The following SHANK2 variants were observed in gnomAD, a reference collection of about 807,000 sequenced individuals.
SHANK2 encodes SH3 and multiple ankyrin repeat domains protein 2.
Under a neutral mutation model 133.7 loss-of-function variants are expected in SHANK2, and 43 were observed. The observed-to-expected ratio is 0.32, with a 90% CI of 0.25 to 0.41. The LOEUF (loss-of-function observed/expected upper bound fraction) is 0.41, where lower values mean the gene tolerates loss of function less well. Among genes scored for constraint, SHANK2 ranks in the 10% least tolerant of loss-of-function variants. SHANK2 has a pLI of 1.00. For synonymous variants in SHANK2, 1,017 were observed against 952.8 expected (o/e 1.07, Z -1.24); for missense variants, 1,994 against 2,235.8 (o/e 0.89, Z 2.18).
In SHANK2 at chr11:70,500,776, C is replaced by G; in HGVS notation, c.2288-186G>C. 1.3e-6 allele frequency: 1 copy of G among 779,904 alleles called. No homozygotes were observed. The highest frequency in any genetic ancestry group is 2.3e-6 in the Non-Finnish European group (1 of 442,362). 48.3% of individuals were successfully genotyped at this position (779,904 alleles called of 1,614,324 possible). On this transcript the variant is annotated intron_variant, in intron 20 of 25. Coordinates refer to ENST00000601538, the MANE Select transcript of SHANK2 (RefSeq NM_012309.5). The surrounding 1 kb of genome is among the most constrained non-coding windows in gnomAD (Gnocchi z 4.5). ...TATCCATGGAGTGGCTTTCCCCAAA[C>G]CTTGGCTGCCCGCACAACTCTGTCC...
intron 10 of SHANK2, among the ~76,000 whole-genome samples, chr11:70,905,603 A>T (rs962281900): frequency 5.9e-5 from 9 of 152,024 alleles, no homozygotes; most frequent in East Asian, 5.8e-4. Flanking sequence ...AGCCCTCATA[A>T]ATGAGATTAG....
chr11:70,937,565 T>C (rs1950588824), intron 10 of SHANK2, among the ~76,000 whole-genome samples: 1 of 151,972 alleles, frequency 6.6e-6, no homozygotes, highest in African/African-American at 2.4e-5. Flanking sequence ...GGCCTGGCCT[T>C]GGCAAGTGTG....
chr11:70,828,094 C>T (rs998960087), intron 11 of SHANK2, among the ~76,000 whole-genome samples: 1 of 152,184 alleles, frequency 6.6e-6, no homozygotes, highest in Non-Finnish European at 1.5e-5. Flanking sequence ...GCCTGGGCAA[C>T]ACAGTGAGAC....
At chr11:70,641,098 TTTTC>T (rs1265651024) in intron 17 of SHANK2, among the ~76,000 whole-genome samples, 17 of 123,532 alleles carry the variant, frequency 1.4e-4, no homozygotes, top group East Asian at 1.1e-3. Flanking sequence ...TCTTTTTTTC[TTTTC>T]TTTTTTTTTT....
chr11:70,529,553 G>A (rs558472357), intron 17 of SHANK2, among the ~76,000 whole-genome samples: 4 of 152,184 alleles, frequency 2.6e-5, no homozygotes, highest in South Asian at 2.1e-4. Context: ...ATACACCTTC[G>A]CATTGTGGTA....
chr11:71,251,741 G>A (rs1330513311), intron 1 of SHANK2, among the ~76,000 whole-genome samples: 1 of 150,804 alleles, frequency 6.6e-6, no homozygotes, highest in Admixed American at 6.6e-5. Context: ...GGCTCAGCGC[G>A]ACCCCCGGGA....
At chr11:70,680,391 C>T (rs1033126385) in intron 15 of SHANK2, among the ~76,000 whole-genome samples, 14 of 152,108 alleles carry the variant, frequency 9.2e-5, no homozygotes, top group Admixed American at 9.2e-4. Flanking sequence ...CCCACCCAGG[C>T]TCCAGAGGAG....
At position 71,196,911 on chromosome 11, in the gene SHANK2, T is replaced by C. The variant is rs187952072; in HGVS notation, c.-13+27786A>G. On this transcript the variant is annotated intron_variant, in intron 2 of 25. Transcript: ENST00000601538. The stretch of plus-strand genomic sequence containing the variant: ...TACTCAGGAGGCTGAGGCATGAGAA[T>C]TGCTTGAACCTGGGAGGCAGAGGTT... 2.2e-3 allele frequency among the ~76,000 whole-genome samples: 328 copies of C among 149,936 alleles called. 1 individual carries two copies. Among genetic ancestry groups the C allele is most frequent in the African/African-American group, 7.6e-3 (311 of 40,682 alleles).
intron 2 of SHANK2, among the ~76,000 whole-genome samples, chr11:71,186,405 C>T (rs1272812726): frequency 6.6e-6 from 1 of 152,202 alleles, no homozygotes; most frequent in Non-Finnish European, 1.5e-5. Context: ...GCCTTAAGGT[C>T]TATCAGTCAT....
chr11:71,242,766 C>A (rs1322222709), intron 1 of SHANK2, among the ~76,000 whole-genome samples: 1 of 152,224 alleles, frequency 6.6e-6, no homozygotes, highest in East Asian at 1.9e-4. Context: ...CCACAAAAGA[C>A]GGCAGAATAC....
intron 14 of SHANK2, among the ~76,000 whole-genome samples, chr11:70,700,576 C>T (rs910185123): frequency 2.6e-5 from 4 of 152,238 alleles, no homozygotes; most frequent in African/African-American, 9.6e-5. Flanking sequence ...ACACACCTCC[C>T]CTTTGCTTGG....
At chr11:70,925,414 A>G (rs1378145300) in intron 10 of SHANK2, among the ~76,000 whole-genome samples, 2 of 152,182 alleles carry the variant, frequency 1.3e-5, no homozygotes, top group Admixed American at 6.5e-5. Flanking sequence ...TGTAATAAGG[A>G]AACAGCATGT....
In SHANK2 at chr11:70,536,915, A is replaced by G. The variant is rs1048205985; in HGVS notation, c.2062-33984T>C. Among the ~76,000 whole-genome samples, 32 of 152,270 alleles carry G rather than the reference A, an allele frequency of 2.1e-4. 1 individual carries two copies. Among genetic ancestry groups the G allele is most frequent in the Admixed American group, 1.7e-3 (26 of 15,296 alleles). ...AGCCCAGTGTCTCTTGGTGAAGGAG[A>G]GAACCATGGGGTGAGGACAGAGCAG... On this transcript the variant is annotated intron_variant, in intron 17 of 25. Transcript: ENST00000601538.
Position 70,790,496 on chromosome 11 carries a change from C to T in SHANK2, c.1777+7947G>A, listed in dbSNP as rs141399767. Among the ~76,000 whole-genome samples the T allele has an allele frequency of 2.8e-4, 43 of 152,268 alleles. No homozygotes were observed. In the East Asian group the frequency reaches 4.6e-3, roughly 16 times the overall value. On this transcript the variant is annotated intron_variant, in intron 14 of 25. Coordinates refer to ENST00000601538, the MANE Select transcript of SHANK2 (RefSeq NM_012309.5). ...ATTTTTCTCAGTAATGTGGGTGGGC[C>T]TCCTCCAATCATTTAAAAGGCCTCA...
At chr11:70,824,784 C>T (rs1009140426) in intron 11 of SHANK2, among the ~76,000 whole-genome samples, 18 of 152,214 alleles carry the variant, frequency 1.2e-4, no homozygotes, top group Admixed American at 5.2e-4. Context: ...CCGGGTGATC[C>T]GGGAACTGCC....
intron 5 of SHANK2, among the ~76,000 whole-genome samples, chr11:71,112,848 T>C (rs1951911948): frequency 6.6e-6 from 1 of 152,094 alleles, no homozygotes; most frequent in African/African-American, 2.4e-5. Flanking sequence ...CTGAACACTC[T>C]GTGCAACGCC....
chr11:70,753,276 G>A (rs1946794966), intron 14 of SHANK2, among the ~76,000 whole-genome samples: 1 of 149,588 alleles, frequency 6.7e-6, no homozygotes, highest in African/African-American at 2.5e-5. Context: ...ATCAACAACA[G>A]AGGACAAGTC....
intron 5 of SHANK2, among the ~76,000 whole-genome samples, chr11:71,112,758 C>G (rs775215291): frequency 6.6e-6 from 1 of 152,156 alleles, no homozygotes; most frequent in African/African-American, 2.4e-5. Flanking sequence ...GCACAGCACC[C>G]TGAAAGACAG....
chr11:71,070,136 T>C (rs1951124411), intron 9 of SHANK2, among the ~76,000 whole-genome samples: 1 of 152,188 alleles, frequency 6.6e-6, no homozygotes, highest in Non-Finnish European at 1.5e-5. Flanking sequence ...ACCTGGAAGA[T>C]GCAGACATGA....
Sources: allele counts gnomAD v4.1 joint callset (sites outside exome capture counted in the v4.1 genomes callset), GRCh38; gene constraint gnomAD v4.1.1; non-coding constraint Gnocchi (gnomAD v3.1); transcripts MANE v1.5; gene names NCBI Gene and HGNC (gene_info 2026-07-23, HGNC 2026-07-21).